The following GALNTL6 variants were observed in gnomAD, a reference collection of about 807,000 sequenced individuals.
GALNTL6 encodes polypeptide N-acetylgalactosaminyltransferase like 6, also known as polypeptide N-acetylgalactosaminyltransferase-like 6.
Under a neutral mutation model 73.7 loss-of-function variants are expected in GALNTL6, and 46 were observed. The ratio of observed to expected loss-of-function variants is 0.62; its 90% CI spans 0.49 to 0.80. The LOEUF is 0.80. Ranked by LOEUF, GALNTL6 falls within the 30% of genes least tolerant of loss-of-function variation. GALNTL6 has a pLI of 0.00. For missense variants in GALNTL6, 604 were observed against 755.0 expected, an observed-to-expected ratio of 0.80 and a Z score of 2.34; for synonymous variants, 259 against 263.7, an observed-to-expected ratio of 0.98 and a Z score of 0.17.
rs536404332 is a variant in GALNTL6 at position 172,084,052 on chromosome 4, T to C, written c.139-145604T>C. ...AAGGCAGAAGGAACACCTGCAGAGA[T>C]TGATGTCATAGGAAACAAGAGGAAG... On this transcript the variant is annotated intron_variant, in intron 2 of 12. Coordinates refer to ENST00000506823, the MANE Select transcript of GALNTL6 (RefSeq NM_001034845.3). Among the ~76,000 whole-genome samples, 5 of 152,260 alleles carry C rather than the reference T, an allele frequency of 3.3e-5. No individual in the cohort carries two copies. In the East Asian group the frequency reaches 5.8e-4, roughly 18 times the overall value.
Position 171,822,952 on chromosome 4 carries a change from G to A in GALNTL6, c.138+8234G>A, listed in dbSNP as rs558925580. 2.4e-4 allele frequency among the ~76,000 whole-genome samples: 37 copies of A among 152,172 alleles called. 1 individual carries two copies. Among genetic ancestry groups the A allele is most frequent in the Non-Finnish European group, 5.1e-4 (35 of 68,002 alleles). On this transcript the variant is annotated intron_variant, in intron 2 of 12. Coordinates refer to ENST00000506823, the MANE Select transcript of GALNTL6 (RefSeq NM_001034845.3). ...TCGTCTGTACCTTTAGGATTTAATC[G>A]TCCACCAAATTCATTGACAGGTTCT...
chr4:171,895,924 A>G (rs1736901308), intron 2 of GALNTL6, among the ~76,000 whole-genome samples: 1 of 152,056 alleles, frequency 6.6e-6, no homozygotes, highest in African/African-American at 2.4e-5. Flanking sequence ...AAAAACAGAA[A>G]ACAAAATGAC....
At chr4:172,286,139 G>A (rs1255247624) in intron 3 of GALNTL6, among the ~76,000 whole-genome samples, 3 of 152,072 alleles carry the variant, frequency 2.0e-5, no homozygotes, top group African/African-American at 4.8e-5. Flanking sequence ...ATTATTGTAC[G>A]TAGTATTATT....
intron 2 of GALNTL6, among the ~76,000 whole-genome samples, chr4:171,971,093 A>G (rs1022061182): frequency 2.6e-5 from 4 of 152,212 alleles, no homozygotes; most frequent in African/African-American, 9.6e-5. Context: ...TAGCAAAATA[A>G]TTAGGTAAAT....
chr4:172,090,784 A>T (rs975862735), intron 2 of GALNTL6, among the ~76,000 whole-genome samples: 2 of 152,044 alleles, frequency 1.3e-5, no homozygotes, highest in African/African-American at 4.8e-5. Context: ...CTCTGTCCTG[A>T]ATGGTATTGC....
At chr4:172,421,219 G>A (rs1290890602) in intron 5 of GALNTL6, among the ~76,000 whole-genome samples, 6 of 152,190 alleles carry the variant, frequency 3.9e-5, no homozygotes, top group Non-Finnish European at 7.4e-5. Context: ...CCCTGTCAGA[G>A]CTCTGATACT....
intron 2 of GALNTL6, among the ~76,000 whole-genome samples, chr4:172,112,578 A>G (rs1172440690): frequency 6.6e-6 from 1 of 151,922 alleles, no homozygotes; most frequent in African/African-American, 2.4e-5. Context: ...GTGTTCTGGA[A>G]TTTGGCCATT....
At chr4:171,998,626 A>G (rs1369698040) in intron 2 of GALNTL6, among the ~76,000 whole-genome samples, 3 of 151,470 alleles carry the variant, frequency 2.0e-5, no homozygotes, top group African/African-American at 7.2e-5. Flanking sequence ...ATGTTTCTCC[A>G]TTTTGTTATT....
intron 9 of GALNTL6, among the ~76,000 whole-genome samples, chr4:172,937,858 G>A (rs1003431907): frequency 1.3e-5 from 2 of 152,084 alleles, no homozygotes; most frequent in Non-Finnish European, 2.9e-5. Flanking sequence ...TTAATAGACT[G>A]TCATATTATA....
At chr4:172,404,708 C>A (rs1379470132) in intron 5 of GALNTL6, among the ~76,000 whole-genome samples, 1 of 151,988 alleles carries the variant, frequency 6.6e-6, no homozygotes, top group African/African-American at 2.4e-5. Context: ...AACAGGCCTG[C>A]GATTGCCTGG....
intron 2 of GALNTL6, among the ~76,000 whole-genome samples, chr4:171,899,758 GC>G (rs1737026829): frequency 6.6e-6 from 1 of 152,118 alleles, no homozygotes; most frequent in African/African-American, 2.4e-5. Context: ...CCCAAAAGCA[GC>G]CCATTATAAA....
At chr4:171,984,029 C>T (rs1195476759) in intron 2 of GALNTL6, among the ~76,000 whole-genome samples, 1 of 152,144 alleles carries the variant, frequency 6.6e-6, no homozygotes, top group Admixed American at 6.5e-5. Context: ...CCAGCCCGGG[C>T]TGTTAACTCA....
At chr4:172,167,680 C>T (rs909416219) in intron 2 of GALNTL6, among the ~76,000 whole-genome samples, 10 of 152,006 alleles carry the variant, frequency 6.6e-5, no homozygotes, top group Non-Finnish European at 1.0e-4. Flanking sequence ...CATTTCTGGC[C>T]GGGCGCGGTG....
At chr4:172,918,508 A>T (rs1747643698) in intron 8 of GALNTL6, among the ~76,000 whole-genome samples, 1 of 152,154 alleles carries the variant, frequency 6.6e-6, no homozygotes, top group Non-Finnish European at 1.5e-5. Flanking sequence ...TCCTCTCCAA[A>T]CAGCTGAGAA....
chr4:172,999,006 CGTT>C (rs1751922230), intron 10 of GALNTL6, among the ~76,000 whole-genome samples: 2 of 132,296 alleles, frequency 1.5e-5, no homozygotes, highest in South Asian at 4.9e-4. Flanking sequence ...AAAAAAAAAA[CGTT>C]GGCTGGTAAA....
intron 2 of GALNTL6, among the ~76,000 whole-genome samples, chr4:171,873,448 A>C (rs1167377965): frequency 6.6e-6 from 1 of 152,194 alleles, no homozygotes; most frequent in African/African-American, 2.4e-5. Flanking sequence ...ATTTGCTTTA[A>C]ATCAAGAGAA....
rs145865438 is a variant in GALNTL6 at position 172,062,064 on chromosome 4, C to T, written c.139-167592C>T. ...CCCCAGGTTCAAACGATTCTCCTGCCGCAGCCTCCTGAGTAGCTGGGACTA... is the reference window on the plus strand; with the variant it reads ...CCCCAGGTTCAAACGATTCTCCTGCTGCAGCCTCCTGAGTAGCTGGGACTA... On this transcript the variant is annotated intron_variant, in intron 2 of 12. Transcript: ENST00000506823. 5.0e-3 allele frequency among the ~76,000 whole-genome samples: 761 copies of T among 151,588 alleles called. 9 individuals are homozygous for T. The highest frequency in any genetic ancestry group is 0.017 in the African/African-American group (704 of 41,282).
chr4:172,838,257 A>AGATC (rs966280231), intron 7 of GALNTL6, among the ~76,000 whole-genome samples: 2 of 152,184 alleles, frequency 1.3e-5, no homozygotes, highest in African/African-American at 4.8e-5. Flanking sequence ...GAATCTTGAA[A>AGATC]GGATGGGGCA....
intron 10 of GALNTL6, among the ~76,000 whole-genome samples, chr4:172,999,344 G>A (rs180900546): frequency 1.3e-4 from 20 of 152,186 alleles, no homozygotes; most frequent in Admixed American, 7.2e-4. Context: ...GCATGCGTGC[G>A]CACTCACACA....
Sources: gnomAD v4.1 joint callset for allele counts (sites outside exome capture counted in the v4.1 genomes callset) on GRCh38, gnomAD v4.1.1 for gene constraint, MANE v1.5 for transcripts, NCBI Gene and HGNC (gene_info 2026-07-23, HGNC 2026-07-21) for gene names.